GALNTL6: variants seen among roughly 807,000 people sequenced by gnomAD.
GALNTL6 encodes the protein polypeptide N-acetylgalactosaminyltransferase like 6, also known as polypeptide N-acetylgalactosaminyltransferase-like 6.
A neutral mutation model predicts 73.7 loss-of-function variants in GALNTL6; 46 were observed. The observed-to-expected ratio is 0.62, with a 90% confidence interval of 0.49 to 0.80. The LOEUF (loss-of-function observed/expected upper bound fraction) is 0.80. Ranked by LOEUF, GALNTL6 falls within the 30% of genes least tolerant of loss-of-function variation. The pLI, the probability that GALNTL6 is intolerant of heterozygous loss-of-function variation, is 0.00. For missense variants in GALNTL6, 604 were observed against 755.0 expected, an observed-to-expected ratio of 0.80 and a Z score of 2.34; for synonymous variants, 259 against 263.7, an observed-to-expected ratio of 0.98 and a Z score of 0.17.
chr4:172,593,640 A>G (rs1379841984), intron 5 of GALNTL6, among the ~76,000 whole-genome samples: 1 of 151,796 alleles, frequency 6.6e-6, no homozygotes, highest in Non-Finnish European at 1.5e-5. Context: ...AGAAACACTG[A>G]TTACTCATTA....
intron 7 of GALNTL6, among the ~76,000 whole-genome samples, chr4:172,828,428 C>G (rs1448119297): frequency 1.3e-5 from 2 of 152,160 alleles, no homozygotes; most frequent in African/African-American, 4.8e-5. Flanking sequence ...TCAGGGGCCA[C>G]AGTCAGCCCT....
At chr4:172,908,488 G>A (rs967215034) in intron 8 of GALNTL6, among the ~76,000 whole-genome samples, 4 of 151,870 alleles carry the variant, frequency 2.6e-5, no homozygotes, top group African/African-American at 4.8e-5. Context: ...TTAGAAAGCA[G>A]GGGGGAAATT....
intron 7 of GALNTL6, among the ~76,000 whole-genome samples, chr4:172,840,158 C>T (rs1044319500): frequency 6.6e-6 from 1 of 152,156 alleles, no homozygotes; most frequent in Non-Finnish European, 1.5e-5. Context: ...TTTCTCTGTA[C>T]TGCCCAAATT....
chr4:172,423,732 T>C (rs1432456909), intron 5 of GALNTL6, among the ~76,000 whole-genome samples: 12 of 151,676 alleles, frequency 7.9e-5, no homozygotes, highest in African/African-American at 2.7e-4. Context: ...AACATCTCTG[T>C]CTATTTTATT....
chr4:172,430,664 G>T (rs1019927805), intron 5 of GALNTL6, among the ~76,000 whole-genome samples: 4 of 152,002 alleles, frequency 2.6e-5, no homozygotes, highest in African/African-American at 7.3e-5. Flanking sequence ...AATTAGCTTG[G>T]CTTGGTGGTA....
At chr4:171,846,928 TTATA>T (rs968716788) in intron 2 of GALNTL6, among the ~76,000 whole-genome samples, 1 of 145,704 alleles carries the variant, frequency 6.9e-6, no homozygotes, top group Non-Finnish European at 1.5e-5. Context: ...TTATATGTAA[TTATA>T]TATACATATA....
intron 2 of GALNTL6, among the ~76,000 whole-genome samples, chr4:172,191,014 C>G (rs562083285): frequency 6.6e-6 from 1 of 152,294 alleles, no homozygotes; most frequent in East Asian, 1.9e-4. Context: ...TTTCACTTAC[C>G]TGGTGGCTTC....
chr4:172,465,058 G>A (rs750579648), intron 5 of GALNTL6, among the ~76,000 whole-genome samples: 10 of 152,110 alleles, frequency 6.6e-5, no homozygotes, highest in Non-Finnish European at 1.3e-4. Flanking sequence ...AGGTTCTTTG[G>A]CTTGAACATG....
chr4:172,949,677 A>G (rs941809823), intron 9 of GALNTL6, among the ~76,000 whole-genome samples: 3 of 152,124 alleles, frequency 2.0e-5, no homozygotes, highest in African/African-American at 7.2e-5. Context: ...TGGGAGGCCA[A>G]CGCGGGTGGA....
At chr4:172,380,948 G>T (rs938333262) in intron 5 of GALNTL6, among the ~76,000 whole-genome samples, 1 of 152,254 alleles carries the variant, frequency 6.6e-6, no homozygotes, top group Admixed American at 6.5e-5. Context: ...TTAAATTAAA[G>T]AGATAATCTG....
At chr4:171,916,312 G>A (rs1737625829) in intron 2 of GALNTL6, among the ~76,000 whole-genome samples, 1 of 151,956 alleles carries the variant, frequency 6.6e-6, no homozygotes, top group South Asian at 2.1e-4. Context: ...CCTCCACTTT[G>A]TATAGAAGCT....
intron 3 of GALNTL6, among the ~76,000 whole-genome samples, chr4:172,306,239 A>C (rs921541228): frequency 3.3e-5 from 5 of 152,052 alleles, no homozygotes; most frequent in Non-Finnish European, 7.4e-5. Context: ...AAATACAAAA[A>C]TTAGCTGGGC....
rs143106047 is a variant in GALNTL6, at chr4:172,464,296, A to T, written c.553+115607A>T. ...AGGGGTAATAATAATAGTAATAATA[A>T]TGATGATGATGACTAATATTGAGAA... On this transcript the variant is annotated intron_variant, in intron 5 of 12. Coordinates refer to ENST00000506823, the MANE Select transcript of GALNTL6 (RefSeq NM_001034845.3). 4.5e-3 allele frequency among the ~76,000 whole-genome samples: 692 copies of T among 152,308 alleles called. 7 individuals carry two copies. Among genetic ancestry groups the T allele is most frequent in the African/African-American group, 0.016 (656 of 41,570 alleles).
At chr4:171,904,736 G>A (rs1737218611) in intron 2 of GALNTL6, among the ~76,000 whole-genome samples, 2 of 152,282 alleles carry the variant, frequency 1.3e-5, no homozygotes, top group African/African-American at 4.8e-5. Context: ...GTTAAGGGCA[G>A]CCAGAGAGAA....
intron 5 of GALNTL6, among the ~76,000 whole-genome samples, chr4:172,457,803 G>A (rs1241024185): frequency 1.3e-5 from 2 of 152,114 alleles, no homozygotes; most frequent in Admixed American, 6.6e-5. Flanking sequence ...ACGTATCAAC[G>A]AGACAGAAAA....
At chr4:171,856,797 G>T (rs543558656) in intron 2 of GALNTL6, among the ~76,000 whole-genome samples, 1 of 152,206 alleles carries the variant, frequency 6.6e-6, no homozygotes, top group South Asian at 2.1e-4. Context: ...GATTTGTATA[G>T]AATAATCTAT....
At chr4:173,022,232 GA>G (rs1753048555) in intron 12 of GALNTL6, among the ~76,000 whole-genome samples, 2 of 149,990 alleles carry the variant, frequency 1.3e-5, no homozygotes, top group Non-Finnish European at 1.5e-5. Context: ...AGGAAGTTTT[GA>G]AAGTTTTACC....
intron 5 of GALNTL6, among the ~76,000 whole-genome samples, chr4:172,673,093 T>C (rs1732082470): frequency 6.6e-6 from 1 of 152,198 alleles, no homozygotes; most frequent in Admixed American, 6.5e-5. Context: ...CTCTAGTTCT[T>C]TTAGTTGTGA....
intron 12 of GALNTL6, among the ~76,000 whole-genome samples, chr4:173,034,308 C>T (rs953856479): frequency 2.0e-5 from 3 of 152,168 alleles, no homozygotes; most frequent in Non-Finnish European, 2.9e-5. Flanking sequence ...AACTATAGAC[C>T]CTGTGACTCT....
Sources: gnomAD v4.1 joint callset for allele counts (sites outside exome capture counted in the v4.1 genomes callset) on GRCh38, gnomAD v4.1.1 for gene constraint, MANE v1.5 for transcripts, NCBI Gene and HGNC (gene_info 2026-07-23, HGNC 2026-07-21) for gene names.